Variants in AGMO observed in about 807,000 individuals in gnomAD.
The protein encoded by AGMO is glyceryl-ether monooxygenase.
Under a neutral mutation model 60.2 loss-of-function variants are expected in AGMO, and 75 were observed. The ratio of observed to expected loss-of-function variants is 1.25; its 90% confidence interval spans 1.03 to 1.51. The LOEUF (loss-of-function observed/expected upper bound fraction) is 1.51, where lower values mean the gene tolerates loss of function less well. AGMO is among the 40% of genes most tolerant of loss of function. The probability of loss-of-function intolerance (pLI) is 0.00; values close to 1 mark genes in which losing one functional copy is unlikely to be tolerated. For synonymous variants in AGMO, 261 were observed against 177.1 expected (o/e 1.47, Z -3.76); for missense variants, 763 against 525.5 (o/e 1.45, Z -4.42).
At chr7:15,146,044 C>A in the AGMO span, among the ~76,000 whole-genome samples, 1 of 152,186 alleles carries the variant, frequency 6.6e-6, no homozygotes, top group Non-Finnish European at 1.5e-5. Flanking sequence ...TTATTCAGTG[C>A]ATTTTAATAT....
At chr7:15,342,104 G>C (rs767199336) in intron 12 of AGMO, among the ~76,000 whole-genome samples, 3 of 134,172 alleles carry the variant, frequency 2.2e-5, no homozygotes, top group Non-Finnish European at 3.1e-5. Context: ...GATGCATTTA[G>C]AAAGCATTTA....
chr7:15,532,253 G>C (rs1784387695), intron 3 of AGMO, among the ~76,000 whole-genome samples: 1 of 152,140 alleles, frequency 6.6e-6, no homozygotes, highest in Admixed American at 6.6e-5. Context: ...GATAGGATTG[G>C]TGTTGATATT....
At chr7:15,300,476 A>G (rs887999937) in intron 12 of AGMO, among the ~76,000 whole-genome samples, 1 of 152,160 alleles carries the variant, frequency 6.6e-6, no homozygotes, top group African/African-American at 2.4e-5. Context: ...TGACACATTC[A>G]TTGTTATTTA....
chr7:15,412,307 A>T (rs1780636838), intron 5 of AGMO, among the ~76,000 whole-genome samples: 1 of 152,014 alleles, frequency 6.6e-6, no homozygotes, highest in East Asian at 1.9e-4. Flanking sequence ...TGTTGCTGAG[A>T]AGAATTTGTT....
the AGMO span, among the ~76,000 whole-genome samples, chr7:15,124,887 T>C: frequency 4.1e-3 from 619 of 152,120 alleles, 3 homozygotes; most frequent in Non-Finnish European, 4.0e-3. Flanking sequence ...CTGAACAAGA[T>C]ACAGTGGAGC....
chr7:15,504,719 T>C (rs908237683), intron 3 of AGMO, among the ~76,000 whole-genome samples: 5 of 151,576 alleles, frequency 3.3e-5, no homozygotes, highest in African/African-American at 1.2e-4. Context: ...GATACAAGTT[T>C]ATCCAGACAG....
At chr7:15,451,999 C>T (rs1242481527) in intron 3 of AGMO, among the ~76,000 whole-genome samples, 1 of 152,104 alleles carries the variant, frequency 6.6e-6, no homozygotes, top group Non-Finnish European at 1.5e-5. Flanking sequence ...GGTGCATACT[C>T]CTAAGTTAGG....
intron 3 of AGMO, among the ~76,000 whole-genome samples, chr7:15,526,511 T>C (rs1336579268): frequency 1.3e-5 from 2 of 152,198 alleles, no homozygotes; most frequent in East Asian, 1.9e-4. Flanking sequence ...CATTGAGTTA[T>C]GCGTTTGCCT....
Position 15,520,214 on chromosome 7 carries a change from T to C in AGMO, c.409+24558A>G, listed in dbSNP as rs192575751. Among the ~76,000 whole-genome samples, 811 of 152,164 alleles carry C rather than the reference T, an allele frequency of 5.3e-3. 8 individuals are homozygous for C. The highest frequency in any genetic ancestry group is 0.015 in the South Asian group (74 of 4,822). Reference sequence around the variant, plus strand: ...TTCATAAAGCAAGTGCTTAGAGACCTACGAAGAGACTTAGACTCCCAGAAA... The same window carrying C: ...TTCATAAAGCAAGTGCTTAGAGACCCACGAAGAGACTTAGACTCCCAGAAA... On this transcript the variant is annotated intron_variant, in intron 3 of 12. Coordinates refer to ENST00000342526, the MANE Select transcript of AGMO (RefSeq NM_001004320.2).
At chr7:15,379,754 A>G (rs540922234) in intron 10 of AGMO, among the ~76,000 whole-genome samples, 1 of 152,122 alleles carries the variant, frequency 6.6e-6, no homozygotes, top group African/African-American at 2.4e-5. Context: ...GTAATGCAAA[A>G]ATTCTCAATA....
intron 12 of AGMO, among the ~76,000 whole-genome samples, chr7:15,343,977 A>G (rs1028850203): frequency 7.9e-5 from 12 of 152,116 alleles, no homozygotes; most frequent in Admixed American, 7.9e-4. Context: ...ACTATCCATA[A>G]AACTAACTGG....
At chr7:15,303,305 A>G (rs1780505068) in intron 12 of AGMO, among the ~76,000 whole-genome samples, 1 of 152,104 alleles carries the variant, frequency 6.6e-6, no homozygotes, top group Non-Finnish European at 1.5e-5. Flanking sequence ...GATTTTCTGT[A>G]TTTTTGGCTT....
chr7:15,171,274 C>G, the AGMO span, among the ~76,000 whole-genome samples: 1 of 152,184 alleles, frequency 6.6e-6, no homozygotes, highest in African/African-American at 2.4e-5. Context: ...AGCCACCACG[C>G]CCTACCTTGG....
intron 12 of AGMO, among the ~76,000 whole-genome samples, chr7:15,215,885 A>G (rs1781722151): frequency 6.6e-6 from 1 of 152,076 alleles, no homozygotes; most frequent in Non-Finnish European, 1.5e-5. Flanking sequence ...GGTGCATGCG[A>G]ATGTATAATT....
rs143928219 is a variant in AGMO at position 15,303,052 on chromosome 7, T to C, written c.1263+62462A>G. On this transcript the variant is annotated intron_variant, in intron 12 of 12. Transcript: ENST00000342526. ...GTCAATGAAAACCCAGGAGGAACAA[T>C]CCACACAGGGAGAACAGAATTAATT... 1.8e-4 allele frequency among the ~76,000 whole-genome samples: 27 copies of C among 152,044 alleles called. No homozygotes were observed. In the East Asian group the frequency reaches 5.0e-3, roughly 28 times the overall value.
At chr7:15,194,428 G>A in the AGMO span, among the ~76,000 whole-genome samples, 1 of 152,082 alleles carries the variant, frequency 6.6e-6, no homozygotes, top group Non-Finnish European at 1.5e-5. Context: ...CTTTTAATCT[G>A]AATAATGATG....
the AGMO span, among the ~76,000 whole-genome samples, chr7:15,172,431 G>C: frequency 6.6e-6 from 1 of 152,128 alleles, no homozygotes; most frequent in Admixed American, 6.6e-5. Flanking sequence ...CCACAACTGG[G>C]ATTGCAGCAA....
the AGMO span, among the ~76,000 whole-genome samples, chr7:15,159,255 A>C: frequency 2.8e-4 from 43 of 152,310 alleles, no homozygotes; most frequent in East Asian, 6.4e-3. Flanking sequence ...AAATGTAAGA[A>C]ACCTATTTAT....
chr7:15,561,797 G>T lies in AGMO; in HGVS notation c.49C>A (p.Arg17Ser). The change falls in exon 1 of 13, where the codon CGC becomes AGC. Residue 17 changes from arginine to serine, a missense_variant. By Grantham distance (110) the Arg-to-Ser change is moderately radical (BLOSUM62 -1). Coordinates refer to ENST00000342526, the MANE Select transcript of AGMO (RefSeq NM_001004320.2). ...GGTTTCATCGTGTAAAACAACATGCGAAATCCCTGGGAAACTGAAACATCC... is the reference window on the plus strand; with the variant it reads ...GGTTTCATCGTGTAAAACAACATGCTAAATCCCTGGGAAACTGAAACATCC... Reference protein sequence around the residue: ...QQDVSVSQGFRMLFYTMKPSE... With the variant: ...QQDVSVSQGFSMLFYTMKPSE... The T allele has an allele frequency of 6.2e-7, 1 of 1,610,598 alleles. No homozygotes were observed. Among genetic ancestry groups the T allele is most frequent in the South Asian group, 1.1e-5 (1 of 90,696 alleles).
Sources: gnomAD v4.1 joint callset for allele counts (sites outside exome capture counted in the v4.1 genomes callset) on GRCh38, gnomAD v4.1.1 for gene constraint, MANE v1.5 for transcripts, NCBI Gene and HGNC (gene_info 2026-07-23, HGNC 2026-07-21) for gene names.